MARCHF10: variants seen among roughly 807,000 people sequenced by gnomAD.
MARCHF10 encodes the protein probable E3 ubiquitin-protein ligase MARCHF10.
Under a neutral mutation model 76.2 loss-of-function variants are expected in MARCHF10, and 64 were observed. The observed-to-expected ratio is 0.84, with a 90% CI of 0.69 to 1.03. The LOEUF (loss-of-function observed/expected upper bound fraction) is 1.03, where lower values mean the gene tolerates loss of function less well. Among genes scored for constraint, MARCHF10 ranks in the 50% least tolerant of loss-of-function variants. The pLI, the probability that MARCHF10 is intolerant of heterozygous loss-of-function variation, is 0.00. For synonymous variants in MARCHF10, 340 were observed against 357.5 expected, an observed-to-expected ratio of 0.95 and a Z score of 0.55; for missense variants, 875 against 958.0, an observed-to-expected ratio of 0.91 and a Z score of 1.14.
chr17:62,739,755 C>T (rs944072799), intron 5 of MARCHF10, among the ~76,000 whole-genome samples: 6 of 152,128 alleles, frequency 3.9e-5, no homozygotes, highest in Non-Finnish European at 5.9e-5. Flanking sequence ...CGGAATCTTC[C>T]GGTCATTCCC....
At chr17:62,776,452 C>T (rs777327741) in intron 3 of MARCHF10, among the ~76,000 whole-genome samples, 7 of 152,208 alleles carry the variant, frequency 4.6e-5, no homozygotes, top group Admixed American at 3.3e-4. Context: ...GCAATTCAAA[C>T]GGACGGTTCT....
At chr17:62,792,729 A>ACCATCACCACCACCACCT (rs1568217887) in intron 2 of MARCHF10, among the ~76,000 whole-genome samples, 1 of 139,570 alleles carries the variant, frequency 7.2e-6, no homozygotes, top group Non-Finnish European at 1.6e-5. Context: ...CACCACCACC[A>ACCATCACCACCACCACCT]CCATCACCAC....
chr17:62,736,736 C>T lies in MARCHF10; in HGVS notation c.1132G>A (p.Gly378Arg), dbSNP rs765246525. The change falls in exon 6 of 11, where the codon GGG becomes AGG. Residue 378 changes from glycine to arginine, a missense_variant. Physicochemically the swap from Gly to Arg is moderately radical, Grantham distance 125. Coordinates refer to ENST00000311269, the MANE Select transcript of MARCHF10 (RefSeq NM_152598.4). ...SAGQRLSQDP[G>R]LPDRESATEK... ...GTAGCAGATTCCCTATCAGGCAGCCCGGGGTCTTGGGACAACCTTTGCCCA... is the reference window on the plus strand; with the variant it reads ...GTAGCAGATTCCCTATCAGGCAGCCTGGGGTCTTGGGACAACCTTTGCCCA... 7.4e-6 allele frequency: 12 copies of T among 1,614,148 alleles called. No individual in the cohort carries two copies. Among genetic ancestry groups the T allele is most frequent in the Admixed American group, 3.3e-5 (2 of 60,006 alleles).
intron 9 of MARCHF10, among the ~76,000 whole-genome samples, chr17:62,706,019 A>G (rs2089567340): frequency 6.6e-6 from 1 of 151,982 alleles, no homozygotes; most frequent in Non-Finnish European, 1.5e-5. Context: ...CCCTGGGCTC[A>G]CTCTTTGTTC....
Position 62,737,273 on chromosome 17 carries a change from CTT to C in MARCHF10, c.593_594del (p.Gln198ArgfsTer14). 1 of 1,613,762 alleles carries C rather than the reference CTT, an allele frequency of 6.2e-7. No individual in the cohort carries two copies. The highest frequency in any genetic ancestry group is 8.5e-7 in the Non-Finnish European group (1 of 1,179,972). Reference sequence around the variant, plus strand: ...GACGATGGGACCAAGTTTCTTCTCTCTTGATTTGGCCTCTTCAGCTTAGTGTT... The same window carrying C: ...GACGATGGGACCAAGTTTCTTCTCTCGATTTGGCCTCTTCAGCTTAGTGTT... The part of the protein sequence containing the change: ...MCNTKLKRPN[Q>X]ERRNLVPSSQ... On this transcript the variant is annotated frameshift_variant, in exon 6 of 11. Coordinates refer to ENST00000311269, the MANE Select transcript of MARCHF10 (RefSeq NM_152598.4). LOFTEE classifies it high-confidence loss of function.
intron 8 of MARCHF10, among the ~76,000 whole-genome samples, chr17:62,718,496 C>T (rs1345136059): frequency 2.0e-5 from 3 of 152,174 alleles, no homozygotes; most frequent in Admixed American, 6.5e-5. Context: ...CTGGGCTGCA[C>T]GGTGTTTGTG....
At position 62,734,434 on chromosome 17, in the gene MARCHF10, G is replaced by A. The variant is rs569973109; in HGVS notation, c.1937+1497C>T. Among the ~76,000 whole-genome samples the A allele has an allele frequency of 2.6e-5, 4 of 152,116 alleles. No individual in the cohort carries two copies. In the East Asian group the frequency reaches 5.8e-4, roughly 22 times the overall value. On this transcript the variant is annotated intron_variant, in intron 6 of 10. Transcript: ENST00000311269. ...GTCTGGGTTTGTGTGTGATGTGTGC[G>A]CTTTAAAAATTCTCTGAAGTGTACG...
At chr17:62,786,203 TA>T (rs1406449860) in intron 3 of MARCHF10, among the ~76,000 whole-genome samples, 4 of 151,914 alleles carry the variant, frequency 2.6e-5, no homozygotes, top group African/African-American at 4.8e-5. Flanking sequence ...TATGCAGCCA[TA>T]AAAAAGGATG....
chr17:62,708,394 C>T (rs191767255), intron 9 of MARCHF10, among the ~76,000 whole-genome samples: 24 of 152,198 alleles, frequency 1.6e-4, no homozygotes, highest in African/African-American at 3.4e-4. Flanking sequence ...TACAGGTGCA[C>T]GCTGCCACGC....
chr17:62,714,285 A>C, intron 8 of MARCHF10: 2 of 611,048 alleles, frequency 3.3e-6, no homozygotes, highest in Non-Finnish European at 4.1e-6. Context: ...GGGCCACCGG[A>C]CACTGTGACT....
In MARCHF10 at chr17:62,795,382, A is replaced by AAAG. The variant is rs1555719590; in HGVS notation, c.90+6261_90+6263dup. Among the ~76,000 whole-genome samples the AAAG allele has an allele frequency of 1.4e-4, 16 of 112,006 alleles. 1 individual carries two copies. Among genetic ancestry groups the AAAG allele is most frequent in the African/African-American group, 3.6e-4 (10 of 27,416 alleles). The allele number at this position is 112,006 out of a possible 152,430, so 73.5% of individuals were successfully genotyped here. Reference sequence around the variant, plus strand: ...AAAAAAAAAAAAAAAAAAAAAAAAAAAAGAAGCTAGGCAGCATGAAAATCC... The same window carrying AAAG: ...AAAAAAAAAAAAAAAAAAAAAAAAAAAAGAAGAAGCTAGGCAGCATGAAAATCC... On this transcript the variant is annotated intron_variant, in intron 2 of 10. Transcript: ENST00000311269.
rs373151864 is a variant in MARCHF10 at position 62,711,383 on chromosome 17, A to C, written c.2215-39T>G. 20 of 1,583,894 alleles carry C rather than the reference A, an allele frequency of 1.3e-5. No homozygotes were observed. In the African/African-American group the frequency reaches 2.6e-4, roughly 20 times the overall value. ...AGAAAGCTCTTCAGTTCATCTGTAA[A>C]ATAGTCATGGTCTAAATTGTGGGAT... is the stretch of plus-strand genomic sequence containing the variant. On this transcript the variant is annotated intron_variant, in intron 8 of 10. Coordinates refer to ENST00000311269, the MANE Select transcript of MARCHF10 (RefSeq NM_152598.4). The surrounding 1 kb of genome is among the most constrained non-coding windows in gnomAD (Gnocchi z 4.4).
At chr17:62,797,827 T>C (rs1043430656) in intron 2 of MARCHF10, among the ~76,000 whole-genome samples, 1 of 152,198 alleles carries the variant, frequency 6.6e-6, no homozygotes, top group Non-Finnish European at 1.5e-5. Context: ...GATATTATAA[T>C]GGTCTTGGAC....
rs9890247 is a variant in MARCHF10, at chr17:62,712,005, G to A, written c.2215-661C>T. Among the ~76,000 whole-genome samples the A allele has an allele frequency of 0.011, 1,664 of 152,320 alleles. 29 individuals are homozygous for A. The highest frequency in any genetic ancestry group is 0.036 in the African/African-American group (1,516 of 41,556). On this transcript the variant is annotated intron_variant, in intron 8 of 10. Transcript: ENST00000311269. The surrounding 1 kb of genome is among the most constrained non-coding windows in gnomAD (Gnocchi z 4.2). ...CTCAGAACAGGCGCTACACAGGGAG[G>A]ATGTGATGGTCTGGCTGCCCATGGC...
At chr17:62,783,473 A>G (rs2092697523) in intron 3 of MARCHF10, among the ~76,000 whole-genome samples, 2 of 152,124 alleles carry the variant, frequency 1.3e-5, no homozygotes, top group South Asian at 4.1e-4. Context: ...GAACTAGAAA[A>G]GCAAGAGCAA....
chr17:62,772,098 T>C (rs1399823114), intron 3 of MARCHF10, among the ~76,000 whole-genome samples: 5 of 152,186 alleles, frequency 3.3e-5, no homozygotes, highest in Admixed American at 3.3e-4. Flanking sequence ...TTCTGATGCA[T>C]AATATGGTTT....
rs183106533 is a variant in MARCHF10, at chr17:62,771,629, C to T, written c.211-11623G>A. On this transcript the variant is annotated intron_variant, in intron 3 of 10. Transcript: ENST00000311269. ...TCTCACTCTGTTGCCCAGGCTGGAG[C>T]ACAGTGGTGTGATCTCGGCTCACTG... is the stretch of plus-strand genomic sequence containing the variant. Among the ~76,000 whole-genome samples the T allele has an allele frequency of 2.2e-3, 309 of 142,020 alleles. 4 individuals are homozygous for T. Among genetic ancestry groups the T allele is most frequent in the African/African-American group, 6.7e-3 (255 of 38,134 alleles). The allele number at this position is 142,020 out of a possible 152,430, so 93.2% of individuals were successfully genotyped here.
intron 10 of MARCHF10, among the ~76,000 whole-genome samples, chr17:62,702,140 G>A (rs768388353): frequency 3.3e-5 from 5 of 152,100 alleles, no homozygotes; most frequent in Non-Finnish European, 1.5e-5. Flanking sequence ...GGACCCAGGT[G>A]TTTCAGGAGT....
At chr17:62,702,649 G>A (rs2089313313) in intron 10 of MARCHF10, among the ~76,000 whole-genome samples, 1 of 152,106 alleles carries the variant, frequency 6.6e-6, no homozygotes, top group South Asian at 2.1e-4. Context: ...CTGGGTGACA[G>A]AGCGAGACTC....
Sources: allele counts gnomAD v4.1 joint callset (sites outside exome capture counted in the v4.1 genomes callset), GRCh38; gene constraint gnomAD v4.1.1; non-coding constraint Gnocchi (gnomAD v3.1); transcripts MANE v1.5; gene names NCBI Gene and HGNC (gene_info 2026-07-23, HGNC 2026-07-21).